Variants in CDK8 observed in about 807,000 individuals in gnomAD.
CDK8 encodes the protein cyclin dependent kinase 8.
In CDK8, 29 loss-of-function variants were observed where a neutral mutation model predicts 71.5. The ratio of observed to expected loss-of-function variants is 0.41; its 90% CI spans 0.30 to 0.55. The LOEUF (loss-of-function observed/expected upper bound fraction) is 0.55. CDK8 is among the 20% of genes least tolerant of loss of function. The pLI, the probability that CDK8 is intolerant of heterozygous loss-of-function variation, is 0.37. For synonymous variants in CDK8, 161 were observed against 192.1 expected, an observed-to-expected ratio of 0.84 and a Z score of 1.34; for missense variants, 288 against 572.6, an observed-to-expected ratio of 0.50 and a Z score of 5.07.
chr13:26,318,158 C>T (rs963617699), intron 1 of CDK8, among the ~76,000 whole-genome samples: 3 of 151,996 alleles, frequency 2.0e-5, no homozygotes, highest in South Asian at 2.1e-4. Context: ...GTACTATGAA[C>T]ATAGTTGTAT....
intron 1 of CDK8, among the ~76,000 whole-genome samples, chr13:26,336,299 C>T (rs551248231): frequency 2.6e-5 from 4 of 152,108 alleles, no homozygotes; most frequent in African/African-American, 9.7e-5. Context: ...TAATGAGTGC[C>T]TAGTGGATTT....
chr13:26,290,926 C>T (rs1376048611), intron 1 of CDK8, among the ~76,000 whole-genome samples: 2 of 151,792 alleles, frequency 1.3e-5, no homozygotes, highest in Non-Finnish European at 2.9e-5. Flanking sequence ...ACCAGCCTGG[C>T]CAACATGGTG....
intron 4 of CDK8, among the ~76,000 whole-genome samples, chr13:26,376,148 G>A (rs575682475): frequency 1.1e-4 from 17 of 151,836 alleles, no homozygotes; most frequent in Non-Finnish European, 2.1e-4. Context: ...AATTAACATC[G>A]TTTAGAATAA....
chr13:26,343,373 A>T (rs1013766850), intron 2 of CDK8, among the ~76,000 whole-genome samples: 16 of 152,208 alleles, frequency 1.1e-4, no homozygotes, highest in African/African-American at 3.9e-4. Flanking sequence ...CATGGTAAAT[A>T]TGTGGAATAA....
At chr13:26,280,807 G>C (rs1872717124) in intron 1 of CDK8, among the ~76,000 whole-genome samples, 1 of 152,188 alleles carries the variant, frequency 6.6e-6, no homozygotes, top group Non-Finnish European at 1.5e-5. Flanking sequence ...CAAGATGGTG[G>C]ATAGGAGACA....
intron 4 of CDK8, among the ~76,000 whole-genome samples, chr13:26,362,670 T>C (rs1269590009): frequency 1.3e-5 from 2 of 152,148 alleles, no homozygotes; most frequent in Non-Finnish European, 2.9e-5. Context: ...CACTTTAGTC[T>C]ACTGTTTCAA....
chr13:26,293,322 G>A (rs1259222486), intron 1 of CDK8, among the ~76,000 whole-genome samples: 1 of 151,952 alleles, frequency 6.6e-6, no homozygotes, highest in African/African-American at 2.4e-5. Flanking sequence ...GTGTATATTG[G>A]CTGGGCATGG....
intron 1 of CDK8, among the ~76,000 whole-genome samples, chr13:26,284,466 C>A (rs1872904446): frequency 1.3e-5 from 2 of 152,006 alleles, no homozygotes; most frequent in Non-Finnish European, 2.9e-5. Context: ...ACAACTGATA[C>A]CACAGAAATA....
chr13:26,346,175 G>T (rs888754198), intron 2 of CDK8, among the ~76,000 whole-genome samples: 2 of 152,124 alleles, frequency 1.3e-5, no homozygotes, highest in African/African-American at 4.8e-5. Context: ...TTAAACCCCT[G>T]TTTTCTCGTT....
chr13:26,296,705 A>T (rs937420055), intron 1 of CDK8, among the ~76,000 whole-genome samples: 2 of 152,200 alleles, frequency 1.3e-5, no homozygotes, highest in African/African-American at 4.8e-5. Flanking sequence ...GAGCATTTAT[A>T]ACTTATCAAG....
intron 4 of CDK8, among the ~76,000 whole-genome samples, chr13:26,364,862 T>G (rs1236350764): frequency 1.3e-5 from 2 of 152,098 alleles, no homozygotes; most frequent in Non-Finnish European, 1.5e-5. Context: ...ACCCATAGAC[T>G]AAAAGAGGGG....
intron 1 of CDK8, among the ~76,000 whole-genome samples, chr13:26,288,020 G>C (rs995832306): frequency 6.6e-6 from 1 of 151,856 alleles, no homozygotes; most frequent in African/African-American, 2.4e-5. Flanking sequence ...TGGAGTGCAG[G>C]GGTGTGATCT....
chr13:26,371,625 T>A (rs907857414), intron 4 of CDK8, among the ~76,000 whole-genome samples: 1 of 151,986 alleles, frequency 6.6e-6, no homozygotes, highest in Non-Finnish European at 1.5e-5. Flanking sequence ...TACCTTGACT[T>A]TTTTTTTGGA....
At chr13:26,350,356 C>T (rs1873634576) in intron 3 of CDK8, among the ~76,000 whole-genome samples, 1 of 151,998 alleles carries the variant, frequency 6.6e-6, no homozygotes, top group African/African-American at 2.4e-5. Flanking sequence ...AGTTTTAGGC[C>T]AAGTGTAGTG....
At chr13:26,337,136 A>G (rs375505917) in intron 1 of CDK8, among the ~76,000 whole-genome samples, 16 of 152,220 alleles carry the variant, frequency 1.1e-4, no homozygotes, top group East Asian at 7.7e-4. Flanking sequence ...TATGATTACT[A>G]TAACATGTTT....
At chr13:26,308,371 T>C (rs1874136290) in intron 1 of CDK8, among the ~76,000 whole-genome samples, 1 of 152,212 alleles carries the variant, frequency 6.6e-6, no homozygotes, top group African/African-American at 2.4e-5. Context: ...TGTGCATCTT[T>C]GACCCTTTCT....
intron 1 of CDK8, among the ~76,000 whole-genome samples, chr13:26,299,596 A>G (rs1017148907): frequency 3.3e-5 from 5 of 152,180 alleles, no homozygotes; most frequent in Admixed American, 1.3e-4. Flanking sequence ...GCTCTGCTGA[A>G]TGCAGTGATT....
intron 1 of CDK8, among the ~76,000 whole-genome samples, chr13:26,329,200 GCTCCATA>G (rs1430389568): frequency 6.6e-6 from 1 of 152,070 alleles, no homozygotes; most frequent in Non-Finnish European, 1.5e-5. Flanking sequence ...TGATTTGTGT[GCTCCATA>G]CTCTCTTTTA....
intron 4 of CDK8, among the ~76,000 whole-genome samples, chr13:26,367,095 T>C (rs1409121781): frequency 1.3e-5 from 2 of 152,156 alleles, no homozygotes; most frequent in Non-Finnish European, 2.9e-5. Context: ...AGTCAGAAAT[T>C]TGGAATTCCT....
Sources: allele counts gnomAD v4.1 joint callset (sites outside exome capture counted in the v4.1 genomes callset), GRCh38; gene constraint gnomAD v4.1.1; transcripts MANE v1.5; gene names NCBI Gene and HGNC (gene_info 2026-07-23, HGNC 2026-07-21).